Variants in UNC13C observed in about 807,000 individuals in gnomAD.
UNC13C encodes the protein unc-13 homolog C, also known as protein unc-13 homolog C.
Under a neutral mutation model 245.4 loss-of-function variants are expected in UNC13C, and 174 were observed. That is an observed-to-expected ratio of 0.71 (90% CI 0.63 to 0.80). UNC13C has a LOEUF of 0.80. UNC13C is among the 30% of genes least tolerant of loss of function. The pLI is 0.00. For missense variants in UNC13C, 2,829 were observed against 2,602.9 expected, an observed-to-expected ratio of 1.09 and a Z score of -1.89; for synonymous variants, 992 against 895.1, an observed-to-expected ratio of 1.11 and a Z score of -1.93.
At chr15:53,930,022 C>T in the UNC13C span, among the ~76,000 whole-genome samples, 1 of 152,132 alleles carries the variant, frequency 6.6e-6, no homozygotes, top group East Asian at 1.9e-4. Flanking sequence ...CTGTGCATTG[C>T]CTGAGTGGTC....
intron 23 of UNC13C, among the ~76,000 whole-genome samples, chr15:54,507,418 C>G (rs886940433): frequency 6.6e-6 from 1 of 151,910 alleles, no homozygotes; most frequent in Non-Finnish European, 1.5e-5. Flanking sequence ...TGTGGTTTTC[C>G]ATGTAGATAA....
At chr15:54,180,545 GT>G (rs1381965094) in intron 4 of UNC13C, among the ~76,000 whole-genome samples, 1 of 152,058 alleles carries the variant, frequency 6.6e-6, no homozygotes, top group Non-Finnish European at 1.5e-5. Flanking sequence ...TCAAATGGCA[GT>G]TCTGCTTTTA....
intron 15 of UNC13C, 44 bp from the exon 16 acceptor site, chr15:54,333,723 T>C: frequency 2.2e-6 from 3 of 1,338,912 alleles, no homozygotes; most frequent in Non-Finnish European, 3.2e-6. Context: ...CCACTAGAAG[T>C]TTACTGCTGA....
chr15:53,941,723 AC>A, the UNC13C span, among the ~76,000 whole-genome samples: 1 of 152,220 alleles, frequency 6.6e-6, no homozygotes, highest in Non-Finnish European at 1.5e-5. Flanking sequence ...CAAGAAAAAA[AC>A]AACCCCATTA....
chr15:54,456,871 A>G lies in UNC13C; in HGVS notation c.4934-37737A>G, dbSNP rs541182319. On this transcript the variant is annotated intron_variant, in intron 19 of 32. Transcript: ENST00000260323. ...TTTACTGATTCGGATGCCCTTCATT[A>G]CTTTCTCTTGTCTGTCTGCTCTGAC... 1.8e-4 allele frequency among the ~76,000 whole-genome samples: 27 copies of G among 152,056 alleles called. 1 individual carries two copies. In the East Asian group the frequency reaches 3.7e-3, roughly 21 times the overall value.
At chr15:54,514,829 T>G (rs922120569) in intron 24 of UNC13C, among the ~76,000 whole-genome samples, 2 of 152,170 alleles carry the variant, frequency 1.3e-5, no homozygotes, top group Non-Finnish European at 2.9e-5. Context: ...ATGATGATCG[T>G]GGGATTATGT....
intron 2 of UNC13C, among the ~76,000 whole-genome samples, chr15:54,130,308 T>TCTTTG (rs67637704): frequency 3.3e-5 from 4 of 119,490 alleles, no homozygotes; most frequent in Admixed American, 9.5e-5. Flanking sequence ...TTTTTTTTTT[T>TCTTTG]GTGAGACGGA....
chr15:54,003,259 CAAAAA>C (rs1339591412), intron 1 of UNC13C, among the ~76,000 whole-genome samples: 1 of 152,092 alleles, frequency 6.6e-6, no homozygotes, highest in Non-Finnish European at 1.5e-5. Context: ...TACCTTATAA[CAAAAA>C]AACTCATCTT....
chr15:53,847,887 T>C, the UNC13C span, among the ~76,000 whole-genome samples: 4 of 152,188 alleles, frequency 2.6e-5, no homozygotes, highest in African/African-American at 9.6e-5. Context: ...GAACCTCTGG[T>C]GACAGAGGTA....
At chr15:54,159,018 TGG>T (rs2032866652) in intron 4 of UNC13C, among the ~76,000 whole-genome samples, 2 of 152,138 alleles carry the variant, frequency 1.3e-5, no homozygotes, top group Admixed American at 6.5e-5. Flanking sequence ...AACTGGGACA[TGG>T]GCAGGATTTT....
chr15:54,240,311 G>A (rs774127382), intron 7 of UNC13C, among the ~76,000 whole-genome samples: 27 of 152,106 alleles, frequency 1.8e-4, no homozygotes, highest in African/African-American at 3.6e-4. Flanking sequence ...CACTATTGAC[G>A]AGCTGTCGCA....
chr15:54,445,604 G>A (rs530011136), intron 19 of UNC13C, among the ~76,000 whole-genome samples: 1 of 152,338 alleles, frequency 6.6e-6, no homozygotes, highest in Non-Finnish European at 1.5e-5. Context: ...CTTTTGAGAA[G>A]TGTCTGTTCA....
chr15:54,233,838 A>G (rs2035616195), intron 4 of UNC13C, among the ~76,000 whole-genome samples: 2 of 152,190 alleles, frequency 1.3e-5, no homozygotes, highest in Non-Finnish European at 2.9e-5. Flanking sequence ...AGGGGCATGA[A>G]CTGTGTTGTT....
At chr15:54,120,100 A>G (rs2030564350) in intron 2 of UNC13C, among the ~76,000 whole-genome samples, 2 of 152,196 alleles carry the variant, frequency 1.3e-5, no homozygotes, top group Admixed American at 1.3e-4. Context: ...AGGTGACTAC[A>G]CTAAACAACA....
the UNC13C span, among the ~76,000 whole-genome samples, chr15:53,966,206 G>T: frequency 2.0e-5 from 3 of 152,156 alleles, no homozygotes; most frequent in Admixed American, 2.0e-4. Context: ...TAAGTCAGTA[G>T]TTGAACCTAC....
chr15:54,073,728 TG>T (rs1184288308), intron 2 of UNC13C, among the ~76,000 whole-genome samples: 3 of 152,164 alleles, frequency 2.0e-5, no homozygotes, highest in Non-Finnish European at 4.4e-5. Context: ...TTGATGGGGT[TG>T]TTTTTTTCTT....
the UNC13C span, among the ~76,000 whole-genome samples, chr15:53,943,400 T>G: frequency 6.6e-6 from 1 of 152,184 alleles, no homozygotes; most frequent in African/African-American, 2.4e-5. Context: ...CTTGGTTCTT[T>G]GTAATTCTCA....
chr15:53,993,092 C>T (rs367580470), intron 1 of UNC13C, among the ~76,000 whole-genome samples: 2 of 152,176 alleles, frequency 1.3e-5, no homozygotes, highest in East Asian at 3.9e-4. Flanking sequence ...GATAAAATAT[C>T]TTATCTGGAG....
intron 10 of UNC13C, among the ~76,000 whole-genome samples, chr15:54,285,794 T>C (rs558539319): frequency 6.6e-6 from 1 of 151,748 alleles, no homozygotes; most frequent in Non-Finnish European, 1.5e-5. Flanking sequence ...TTTTGATATA[T>C]ACGCTTATAG....
Sources: gnomAD v4.1 joint callset for allele counts (sites outside exome capture counted in the v4.1 genomes callset) on GRCh38, gnomAD v4.1.1 for gene constraint, MANE v1.5 for transcripts, NCBI Gene and HGNC (gene_info 2026-07-23, HGNC 2026-07-21) for gene names.